LUZP2: variants seen among roughly 807,000 people sequenced by gnomAD.
LUZP2 encodes leucine zipper protein 2.
In LUZP2, 52 loss-of-function variants were observed where a neutral mutation model predicts 51.6. That is an observed-to-expected ratio of 1.01 (90% CI 0.81 to 1.27). The LOEUF is 1.27. Among genes scored for constraint, LUZP2 ranks in the 50% most tolerant of loss-of-function variants. The pLI, the probability that LUZP2 is intolerant of heterozygous loss-of-function variation, is 0.00. For missense variants in LUZP2, 436 were observed against 395.4 expected (o/e 1.10, Z -0.87); for synonymous variants, 154 against 137.3 (o/e 1.12, Z -0.85).
chr11:24,622,278 C>A (rs1030586669), intron 1 of LUZP2, among the ~76,000 whole-genome samples: 2 of 150,954 alleles, frequency 1.3e-5, no homozygotes, highest in Non-Finnish European at 3.0e-5. Flanking sequence ...TCCCTCCCCT[C>A]TCCCCCCTCC....
intron 10 of LUZP2, among the ~76,000 whole-genome samples, chr11:25,062,750 A>G (rs1371834135): frequency 6.6e-6 from 1 of 151,278 alleles, no homozygotes. Flanking sequence ...TTTTATATAC[A>G]TTTCTTGCTT....
chr11:24,741,905 CTATATAA>C (rs1859163440), intron 4 of LUZP2, among the ~76,000 whole-genome samples: 1 of 111,948 alleles, frequency 8.9e-6, no homozygotes, highest in Non-Finnish European at 1.7e-5. Context: ...ATATATATTT[CTATATAA>C]TATATACATT....
At chr11:24,650,255 C>T (rs1855586839) in intron 1 of LUZP2, among the ~76,000 whole-genome samples, 1 of 151,934 alleles carries the variant, frequency 6.6e-6, no homozygotes, top group African/African-American at 2.4e-5. Context: ...CCAAAAATAT[C>T]TATAGTGTTA....
intron 1 of LUZP2, among the ~76,000 whole-genome samples, chr11:24,586,157 G>T (rs1853058972): frequency 6.6e-6 from 1 of 151,942 alleles, no homozygotes; most frequent in South Asian, 2.1e-4. Flanking sequence ...GCAGTTCTCT[G>T]TACTTTAAAT....
chr11:24,608,180 C>A (rs113025672), intron 1 of LUZP2, among the ~76,000 whole-genome samples: 9 of 152,212 alleles, frequency 5.9e-5, no homozygotes, highest in African/African-American at 1.9e-4. Flanking sequence ...ATTAAGGGTA[C>A]AGCCAGCAAA....
chr11:24,796,168 G>A (rs1232288541), intron 5 of LUZP2, among the ~76,000 whole-genome samples: 2 of 151,984 alleles, frequency 1.3e-5, no homozygotes, highest in Non-Finnish European at 2.9e-5. Flanking sequence ...GAACACGCAG[G>A]GGTATACGTT....
intron 9 of LUZP2, among the ~76,000 whole-genome samples, chr11:25,007,538 G>C (rs746420486): frequency 2.0e-5 from 3 of 152,120 alleles, no homozygotes; most frequent in Admixed American, 6.5e-5. Context: ...GGGAGGTAAA[G>C]GTTGCAGTGG....
At chr11:24,693,455 T>G (rs920309157) in intron 1 of LUZP2, among the ~76,000 whole-genome samples, 8 of 151,748 alleles carry the variant, frequency 5.3e-5, no homozygotes, top group African/African-American at 1.9e-4. Flanking sequence ...TTTCCATATA[T>G]TTTATCTTAA....
intron 1 of LUZP2, among the ~76,000 whole-genome samples, chr11:24,594,751 T>C (rs1853375728): frequency 3.8e-5 from 1 of 26,150 alleles, no homozygotes; most frequent in South Asian, 1.4e-3. Context: ...TTTGGGACAC[T>C]TTTTTTTTTT....
intron 5 of LUZP2, among the ~76,000 whole-genome samples, chr11:24,862,368 A>C (rs919686524): frequency 6.6e-6 from 1 of 152,188 alleles, no homozygotes; most frequent in Non-Finnish European, 1.5e-5. Context: ...CATTACCACC[A>C]GGCATGCCCT....
chr11:24,651,653 T>G (rs1353830784), intron 1 of LUZP2, among the ~76,000 whole-genome samples: 1 of 152,162 alleles, frequency 6.6e-6, no homozygotes, highest in East Asian at 1.9e-4. Flanking sequence ...TCAACTTGAC[T>G]AGGCCAGATA....
intron 4 of LUZP2, among the ~76,000 whole-genome samples, chr11:24,760,404 T>C (rs1163368717): frequency 6.6e-6 from 1 of 152,128 alleles, no homozygotes; most frequent in African/African-American, 2.4e-5. Context: ...ACTTTTGGGT[T>C]ACAGTGGTGA....
At chr11:24,824,079 C>T (rs1850443842) in intron 5 of LUZP2, among the ~76,000 whole-genome samples, 1 of 148,596 alleles carries the variant, frequency 6.7e-6, no homozygotes, top group Admixed American at 6.7e-5. Flanking sequence ...AAGAGTGGTA[C>T]CTGGGTGGGT....
At position 24,795,346 on chromosome 11, in the gene LUZP2, T is replaced by G. The variant is rs547186407; in HGVS notation, c.396+32038T>G. Among the ~76,000 whole-genome samples the G allele has an allele frequency of 3.9e-5, 6 of 152,290 alleles. No individual in the cohort carries two copies. The East Asian group carries it at 1.2e-3, about 29-fold the overall frequency. On this transcript the variant is annotated intron_variant, in intron 5 of 11. Transcript: ENST00000336930. ...CAGCATTGCAATATTTATCTTTATG[T>G]TCAGAAAGTTCACTAATTATTCACT...
chr11:24,871,357 A>G (rs996319574), intron 5 of LUZP2, among the ~76,000 whole-genome samples: 8 of 152,042 alleles, frequency 5.3e-5, no homozygotes, highest in Non-Finnish European at 7.4e-5. Context: ...GTTTTCTTTC[A>G]TCTGGTTTTC....
At chr11:24,955,630 T>A (rs191642882) in intron 7 of LUZP2, among the ~76,000 whole-genome samples, 258 of 152,186 alleles carry the variant, frequency 1.7e-3, no homozygotes, top group African/African-American at 5.8e-3. Flanking sequence ...CTTCCTGGAA[T>A]AATTCACCTC....
At chr11:24,788,216 G>T (rs1182524656) in intron 5 of LUZP2, among the ~76,000 whole-genome samples, 2 of 110,896 alleles carry the variant, frequency 1.8e-5, no homozygotes, top group Non-Finnish European at 3.4e-5. Context: ...CTGAGACTGA[G>T]TCTCACTCGG....
chr11:24,873,643 G>T (rs1852154404), intron 5 of LUZP2, among the ~76,000 whole-genome samples: 1 of 151,834 alleles, frequency 6.6e-6, no homozygotes, highest in Non-Finnish European at 1.5e-5. Context: ...AGGTGGCCAA[G>T]CTTAAACTGA....
chr11:24,655,522 T>G (rs932003652), intron 1 of LUZP2, among the ~76,000 whole-genome samples: 1 of 152,152 alleles, frequency 6.6e-6, no homozygotes, highest in Non-Finnish European at 1.5e-5. Context: ...TTGTAGGTAC[T>G]TAAGAGGGTA....
Sources: gnomAD v4.1 joint callset for allele counts (sites outside exome capture counted in the v4.1 genomes callset) on GRCh38, gnomAD v4.1.1 for gene constraint, MANE v1.5 for transcripts, NCBI Gene and HGNC (gene_info 2026-07-23, HGNC 2026-07-21) for gene names.